Variants in AGBL4 observed in about 807,000 individuals in gnomAD.
The protein encoded by AGBL4 is cytosolic carboxypeptidase 6.
AGBL4 carries 58 observed loss-of-function variants against 66.4 expected under a neutral mutation model. The ratio of observed to expected loss-of-function variants is 0.87; its 90% CI spans 0.71 to 1.09. The LOEUF (loss-of-function observed/expected upper bound fraction) is 1.09, where lower values mean the gene tolerates loss of function less well. Ranked by LOEUF, AGBL4 falls within the 50% of genes least tolerant of loss-of-function variation. The pLI, the probability that AGBL4 is intolerant of heterozygous loss-of-function variation, is 0.00. For missense variants in AGBL4, 579 were observed against 631.0 expected (o/e 0.92, Z 0.88); for synonymous variants, 234 against 222.9 (o/e 1.05, Z -0.44).
intron 3 of AGBL4, among the ~76,000 whole-genome samples, chr1:49,496,517 ACCCACCCCAC>A (rs1383681213): frequency 6.8e-6 from 1 of 147,732 alleles, no homozygotes; most frequent in African/African-American, 2.5e-5. Flanking sequence ...CCAACATCTC[ACCCACCCCAC>A]CCCACCCCAC....
At chr1:49,987,131 A>G (rs1353580367) in intron 1 of AGBL4, among the ~76,000 whole-genome samples, 1 of 152,128 alleles carries the variant, frequency 6.6e-6, no homozygotes, top group Non-Finnish European at 1.5e-5. Context: ...ATATACTAGC[A>G]TGACTGCCAA....
chr1:49,213,902 C>T (rs1044763467), intron 4 of AGBL4, among the ~76,000 whole-genome samples: 7 of 152,040 alleles, frequency 4.6e-5, no homozygotes, highest in Admixed American at 1.3e-4. Flanking sequence ...TTGATGCAGC[C>T]CACCATAGCA....
chr1:49,363,250 A>G (rs910778885), intron 3 of AGBL4, among the ~76,000 whole-genome samples: 3 of 152,206 alleles, frequency 2.0e-5, no homozygotes, highest in Non-Finnish European at 4.4e-5. Context: ...CTGAAGAGGT[A>G]TATATTACTG....
chr1:48,697,279 G>C (rs1246835617), intron 6 of AGBL4, among the ~76,000 whole-genome samples: 1 of 152,106 alleles, frequency 6.6e-6, no homozygotes, highest in Non-Finnish European at 1.5e-5. Context: ...AAAATGCCCC[G>C]TGCTGCCACC....
chr1:49,882,397 T>C (rs1397773523), intron 1 of AGBL4, among the ~76,000 whole-genome samples: 1 of 151,278 alleles, frequency 6.6e-6, no homozygotes, highest in Non-Finnish European at 1.5e-5. Context: ...ATATGAACTT[T>C]AAAGTAGTTT....
At chr1:49,514,306 A>G (rs1649561172) in intron 3 of AGBL4, among the ~76,000 whole-genome samples, 1 of 152,034 alleles carries the variant, frequency 6.6e-6, no homozygotes, top group African/African-American at 2.4e-5. Context: ...CCAGTTTTCA[A>G]AGGGAATGCT....
chr1:49,966,634 G>T (rs1453722477), intron 1 of AGBL4, among the ~76,000 whole-genome samples: 1 of 151,900 alleles, frequency 6.6e-6, no homozygotes, highest in Non-Finnish European at 1.5e-5. Context: ...CTGCTTGTCA[G>T]TTTATTCTAG....
intron 3 of AGBL4, among the ~76,000 whole-genome samples, chr1:49,491,895 T>G (rs918039400): frequency 6.6e-6 from 1 of 151,936 alleles, no homozygotes; most frequent in African/African-American, 2.4e-5. Context: ...CCTGTATATA[T>G]TATGTTTTCC....
chr1:49,978,031 C>A (rs1270450593), intron 1 of AGBL4, among the ~76,000 whole-genome samples: 1 of 152,120 alleles, frequency 6.6e-6, no homozygotes, highest in Non-Finnish European at 1.5e-5. Flanking sequence ...TTTCAACGTG[C>A]CTGAAAATGA....
At chr1:48,904,858 C>T (rs1570966546) in intron 5 of AGBL4, among the ~76,000 whole-genome samples, 1 of 152,130 alleles carries the variant, frequency 6.6e-6, no homozygotes, top group African/African-American at 2.4e-5. Context: ...TATGAACAAA[C>T]CTAACATTCA....
In AGBL4 at chr1:48,590,885, C is replaced by A. The variant is rs1269830374; in HGVS notation, c.1052G>T (p.Arg351Met). 6.2e-7 allele frequency: 1 copy of A among 1,607,536 alleles called. No homozygotes were observed. Among genetic ancestry groups the A allele is most frequent in the East Asian group, 2.2e-5 (1 of 44,772 alleles). The change falls in exon 10 of 14, where the codon AGG becomes ATG. Residue 351 changes from arginine (R) to methionine (M), a missense_variant. By Grantham distance (91) the Arg-to-Met change is moderately conservative. Transcript: ENST00000371839. ...GAGGAGCTTGGGAAAAATGGCCTGC[C>A]TCTGGAACCGTTCCTCATCCTCAAA... Reference protein sequence around the residue: ...NIFEDEERFQRQAIFPKLLCQ... With the variant: ...NIFEDEERFQMQAIFPKLLCQ...
At chr1:49,544,861 G>C (rs1268014671) in intron 3 of AGBL4, among the ~76,000 whole-genome samples, 1 of 152,150 alleles carries the variant, frequency 6.6e-6, no homozygotes, top group Admixed American at 6.5e-5. Flanking sequence ...AACCCACAGA[G>C]GTTCTCTTGA....
chr1:49,155,872 G>A (rs556337263), intron 4 of AGBL4, among the ~76,000 whole-genome samples: 1 of 152,264 alleles, frequency 6.6e-6, no homozygotes, highest in Non-Finnish European at 1.5e-5. Flanking sequence ...TAGTCTACCA[G>A]GGACCTCTGT....
intron 11 of AGBL4, among the ~76,000 whole-genome samples, chr1:48,546,104 TAG>T (rs1491007924): frequency 6.6e-6 from 1 of 152,210 alleles, no homozygotes; most frequent in Non-Finnish European, 1.5e-5. Flanking sequence ...CTATTTTTTT[TAG>T]AGTTTACTCC....
chr1:49,071,233 C>G (rs1033882742), intron 4 of AGBL4, among the ~76,000 whole-genome samples: 1 of 151,728 alleles, frequency 6.6e-6, no homozygotes, highest in African/African-American at 2.4e-5. Context: ...TTTTTTGTGT[C>G]TCTATCTCCT....
At chr1:49,092,301 G>A (rs1412007162) in intron 4 of AGBL4, among the ~76,000 whole-genome samples, 2 of 152,176 alleles carry the variant, frequency 1.3e-5, no homozygotes, top group Non-Finnish European at 2.9e-5. Flanking sequence ...ATGTTTTAGA[G>A]TGTGTAAACT....
intron 5 of AGBL4, among the ~76,000 whole-genome samples, chr1:49,026,160 G>T (rs993388466): frequency 6.6e-6 from 1 of 152,124 alleles, no homozygotes; most frequent in South Asian, 2.1e-4. Flanking sequence ...CATAAAAATT[G>T]AGCTCTAGTT....
chr1:48,631,245 G>A (rs1475615925), intron 9 of AGBL4, among the ~76,000 whole-genome samples: 1 of 152,202 alleles, frequency 6.6e-6, no homozygotes, highest in Non-Finnish European at 1.5e-5. Flanking sequence ...TGCACTTAAA[G>A]CTCTTAGGGC....
At chr1:49,438,470 A>G (rs1645953565) in intron 3 of AGBL4, among the ~76,000 whole-genome samples, 1 of 152,176 alleles carries the variant, frequency 6.6e-6, no homozygotes, top group Non-Finnish European at 1.5e-5. Context: ...TGGAAGAAAA[A>G]GCTGGTTACA....
Sources: gnomAD v4.1 joint callset for allele counts (sites outside exome capture counted in the v4.1 genomes callset) on GRCh38, gnomAD v4.1.1 for gene constraint, MANE v1.5 for transcripts, NCBI Gene and HGNC (gene_info 2026-07-23, HGNC 2026-07-21) for gene names.